Variants in MRTFB observed in about 807,000 individuals in gnomAD.
MRTFB encodes the protein myocardin related transcription factor B, also known as myocardin-related transcription factor B.
MRTFB carries 29 observed loss-of-function variants against 104.2 expected under a neutral mutation model. The observed-to-expected ratio is 0.28, with a 90% CI of 0.21 to 0.38. MRTFB has a LOEUF of 0.38. MRTFB is among the 10% of genes least tolerant of loss of function. MRTFB has a pLI of 1.00. For missense variants in MRTFB, 1,270 were observed against 1,341.6 expected (o/e 0.95, Z 0.83); for synonymous variants, 535 against 519.5 (o/e 1.03, Z -0.41).
At chr16:14,227,117 C>T (rs2042039558) in intron 8 of MRTFB, among the ~76,000 whole-genome samples, 1 of 152,058 alleles carries the variant, frequency 6.6e-6, no homozygotes, top group African/African-American at 2.4e-5. Flanking sequence ...GGATGTTTGT[C>T]TCCTTCAAAC....
chr16:14,247,426 T>G lies in MRTFB; in HGVS notation c.2166T>G (p.Thr722=). Residue 722 remains threonine (T), a synonymous_variant, in exon 12 of 17, where the codon ACT becomes ACG. Transcript: ENST00000571589. The part of the protein sequence containing the change: ...AQPQALLTTQ[T]AQLLLPVSIQ... ...CCCAGGCTTTACTGACCACGCAGAC[T>G]GCTCAGCTGCTGCTCCCAGTGTCCA... The G allele has an allele frequency of 6.2e-7, 1 of 1,609,348 alleles. No homozygotes were observed. The highest frequency in any genetic ancestry group is 8.5e-7 in the Non-Finnish European group (1 of 1,179,692).
intron 2 of MRTFB, among the ~76,000 whole-genome samples, chr16:14,128,903 A>G (rs1226303748): frequency 6.6e-6 from 1 of 152,244 alleles, no homozygotes; most frequent in Non-Finnish European, 1.5e-5. Flanking sequence ...CAACCAAGAT[A>G]CAGAACAGTT....
chr16:14,031,184 G>A, the MRTFB span, among the ~76,000 whole-genome samples: 2 of 152,154 alleles, frequency 1.3e-5, no homozygotes, highest in African/African-American at 4.8e-5. Flanking sequence ...TTGAGGCCAG[G>A]AGTTCAAGGC....
chr16:14,158,988 A>C (rs934517569), intron 3 of MRTFB, among the ~76,000 whole-genome samples: 7 of 148,938 alleles, frequency 4.7e-5, no homozygotes, highest in African/African-American at 1.3e-4. Flanking sequence ...AAAAAAAAAA[A>C]AAAAAACTTA....
At chr16:14,026,121 T>A in the MRTFB span, among the ~76,000 whole-genome samples, 5 of 152,244 alleles carry the variant, frequency 3.3e-5, no homozygotes, top group East Asian at 9.6e-4. Flanking sequence ...GTAAACAATA[T>A]GATTACAAAA....
chr16:14,237,381 A>G (rs2042566833), intron 9 of MRTFB, among the ~76,000 whole-genome samples: 1 of 151,890 alleles, frequency 6.6e-6, no homozygotes, highest in African/African-American at 2.4e-5. Context: ...GGAGAGGGCA[A>G]CTGTATCAAA....
At chr16:14,190,128 T>G (rs537644308) in intron 3 of MRTFB, among the ~76,000 whole-genome samples, 403 of 152,338 alleles carry the variant, frequency 2.6e-3, no homozygotes, top group Admixed American at 4.8e-3. Context: ...AGCTTTTTGA[T>G]AGACACCAGC....
rs1338821875 is a variant in MRTFB at position 14,249,029 on chromosome 16, C to T, written c.2351C>T (p.Thr784Ile). The change falls in exon 13 of 17, where the codon ACA (threonine) becomes ATA (isoleucine). Residue 784 changes from threonine (T) to isoleucine (I), a missense_variant. Thr to Ile is a moderately conservative substitution (Grantham distance 89, BLOSUM62 -1). Around this residue, in one of 3 missense-constraint regions of MRTFB, gnomAD observed 1,144 missense variants for 1,131.5 expected, o/e 1.01. Coordinates refer to ENST00000571589, the MANE Select transcript of MRTFB (RefSeq NM_001308142.2). ...GGCTTGGCCCCAACTGTACCTCAGA[C>T]ACAAGACACGTTCCCGCAGCATGTG... ...ASGLAPTVPQ[T>I]QDTFPQHVLS... The T allele has an allele frequency of 1.2e-6, 2 of 1,614,184 alleles. No individual in the cohort carries two copies. The highest frequency in any genetic ancestry group is 1.7e-6 in the Non-Finnish European group (2 of 1,180,028).
At chr16:14,080,535 A>G (rs963951784) in intron 2 of MRTFB, among the ~76,000 whole-genome samples, 2 of 152,212 alleles carry the variant, frequency 1.3e-5, no homozygotes, top group African/African-American at 4.8e-5. Context: ...TTGGAAGAAT[A>G]CAGTATATCA....
At chr16:14,166,322 T>A (rs1463304546) in intron 3 of MRTFB, among the ~76,000 whole-genome samples, 1 of 151,706 alleles carries the variant, frequency 6.6e-6, no homozygotes, top group Non-Finnish European at 1.5e-5. Context: ...ACACATAGAT[T>A]CTATAATTAA....
At chr16:14,159,022 T>A (rs1219315763) in intron 3 of MRTFB, among the ~76,000 whole-genome samples, 1 of 149,518 alleles carries the variant, frequency 6.7e-6, no homozygotes, top group Non-Finnish European at 1.5e-5. Context: ...ATGCCTGTGG[T>A]CCCAGCTACT....
intron 8 of MRTFB, among the ~76,000 whole-genome samples, chr16:14,225,506 G>A (rs971252070): frequency 1.3e-5 from 2 of 152,134 alleles, no homozygotes; most frequent in Non-Finnish European, 2.9e-5. Context: ...TCTGTGAACA[G>A]GCATATGCAA....
At chr16:14,055,772 T>C in the MRTFB span, among the ~76,000 whole-genome samples, 1 of 152,114 alleles carries the variant, frequency 6.6e-6, no homozygotes, top group African/African-American at 2.4e-5. Context: ...GTCTGCTGGG[T>C]TTCCTCACTA....
intron 2 of MRTFB, among the ~76,000 whole-genome samples, chr16:14,138,185 A>G (rs1181564737): frequency 6.6e-6 from 1 of 152,172 alleles, no homozygotes; most frequent in Non-Finnish European, 1.5e-5. Context: ...TGTATATTAC[A>G]TCTACATGTA....
chr16:14,003,619 G>GGACGGCCTGCCTGCCTGCCT, the MRTFB span, among the ~76,000 whole-genome samples: 2 of 6,090 alleles, frequency 3.3e-4, no homozygotes, highest in South Asian at 5.3e-3. Context: ...AGCTGGGGCC[G>GGACGGCCTGCCTGCCTGCCT]GCCGGCCTGC....
intron 2 of MRTFB, among the ~76,000 whole-genome samples, chr16:14,122,907 A>G (rs910484581): frequency 5.9e-5 from 9 of 152,226 alleles, no homozygotes; most frequent in Non-Finnish European, 8.8e-5. Flanking sequence ...ACTCCCACCA[A>G]CAGTGTAAAA....
chr16:14,224,294 G>A (rs1175243816), intron 8 of MRTFB, among the ~76,000 whole-genome samples: 3 of 152,158 alleles, frequency 2.0e-5, no homozygotes, highest in Admixed American at 6.5e-5. Context: ...CAGTTTTGTT[G>A]TTGTGAAACA....
intron 16 of MRTFB, among the ~76,000 whole-genome samples, chr16:14,260,402 T>C (rs2043720615): frequency 6.6e-6 from 1 of 152,032 alleles, no homozygotes; most frequent in Non-Finnish European, 1.5e-5. Context: ...TTTCATAACA[T>C]TGAGGATGTA....
chr16:14,117,181 A>G (rs2036584779), intron 2 of MRTFB, among the ~76,000 whole-genome samples: 1 of 152,218 alleles, frequency 6.6e-6, no homozygotes. Flanking sequence ...AGGCCACAGA[A>G]TCTCCTGATC....
Sources: gnomAD v4.1 joint callset for allele counts (sites outside exome capture counted in the v4.1 genomes callset) on GRCh38, gnomAD v4.1.1 for gene constraint, gnomAD v4.1.1 regional missense constraint, MANE v1.5 for transcripts, NCBI Gene and HGNC (gene_info 2026-07-23, HGNC 2026-07-21) for gene names.